FAM184A: variants seen among roughly 807,000 people sequenced by gnomAD.
FAM184A encodes the protein family with sequence similarity 184 member A.
In FAM184A, 99 loss-of-function variants were observed where a neutral mutation model predicts 143.8. That is an observed-to-expected ratio of 0.69 (90% CI 0.58 to 0.81). The LOEUF (loss-of-function observed/expected upper bound fraction) is 0.81. Among genes scored for constraint, FAM184A ranks in the 40% least tolerant of loss-of-function variants. FAM184A has a pLI of 0.00. For missense variants in FAM184A, 1,217 were observed against 1,310.5 expected (o/e 0.93, Z 1.10); for synonymous variants, 427 against 446.4 (o/e 0.96, Z 0.55).
intron 1 of FAM184A, among the ~76,000 whole-genome samples, chr6:119,121,967 A>G (rs1789226606): frequency 6.6e-6 from 1 of 151,920 alleles, no homozygotes. Flanking sequence ...ATAGAGATGC[A>G]GTTGTTGGCC....
intron 1 of FAM184A, among the ~76,000 whole-genome samples, chr6:119,097,581 C>G (rs963867601): frequency 1.3e-5 from 2 of 152,164 alleles, no homozygotes; most frequent in Non-Finnish European, 2.9e-5. Flanking sequence ...GCTCATAACT[C>G]CCATAGCCCT....
intron 1 of FAM184A, among the ~76,000 whole-genome samples, chr6:119,120,732 T>G (rs941146980): frequency 8.5e-5 from 13 of 152,314 alleles, no homozygotes; most frequent in African/African-American, 3.1e-4. Context: ...CAGAGCTGTT[T>G]CTATTTGAGT....
intron 1 of FAM184A, among the ~76,000 whole-genome samples, chr6:119,110,532 A>G (rs1464653092): frequency 1.3e-5 from 2 of 152,098 alleles, no homozygotes; most frequent in East Asian, 1.9e-4. Context: ...ATTTGTAGGC[A>G]AAAAAGTGAA....
intron 6 of FAM184A, among the ~76,000 whole-genome samples, chr6:119,008,351 C>T (rs532959073): frequency 6.6e-6 from 1 of 152,312 alleles, no homozygotes; most frequent in Non-Finnish European, 1.5e-5. Flanking sequence ...ATGGTTTAAG[C>T]TTATCTAGTC....
At chr6:119,051,965 C>A (rs1358403434) in intron 1 of FAM184A, among the ~76,000 whole-genome samples, 1 of 152,110 alleles carries the variant, frequency 6.6e-6, no homozygotes, top group Admixed American at 6.6e-5. Context: ...CCATTGGAGG[C>A]CCAGGTTCCC....
intron 1 of FAM184A, among the ~76,000 whole-genome samples, chr6:119,101,471 T>C (rs889101507): frequency 1.3e-5 from 2 of 152,158 alleles, no homozygotes; most frequent in Non-Finnish European, 2.9e-5. Context: ...GTGACCAAGA[T>C]AAGTTAAATA....
intron 3 of FAM184A, among the ~76,000 whole-genome samples, chr6:119,020,564 A>G (rs539436779): frequency 4.5e-4 from 68 of 152,362 alleles, no homozygotes; most frequent in African/African-American, 1.6e-3. Context: ...TGTGGCGCCA[A>G]AATGAGTGAT....
In FAM184A at chr6:119,147,293, C is replaced by G. The variant is rs72955092; in HGVS notation, c.-202+1785G>C. Reference sequence around the variant, plus strand: ...GGTGCATCCTAGCTGTGGGTCTGATCGATGATACAACCTGGTATTAACCGC... The same window carrying G: ...GGTGCATCCTAGCTGTGGGTCTGATGGATGATACAACCTGGTATTAACCGC... On this transcript the variant is annotated intron_variant, in intron 1 of 16. Coordinates refer to the FAM184A transcript ENST00000352896. Among the ~76,000 whole-genome samples the G allele has an allele frequency of 1.9e-3, 272 of 140,630 alleles. 2 individuals carry two copies. Among genetic ancestry groups the G allele is most frequent in the African/African-American group, 6.9e-3 (262 of 37,964 alleles). The allele number at this position is 140,630 out of a possible 152,430, so 92.3% of individuals were successfully genotyped here.
chr6:119,132,204 T>C (rs141674841), intron 1 of FAM184A, among the ~76,000 whole-genome samples: 368 of 152,392 alleles, frequency 2.4e-3, no homozygotes, highest in African/African-American at 8.6e-3. Flanking sequence ...AGTGTCAGAA[T>C]ATTTATCATT....
rs138159682 is a variant in FAM184A at position 119,000,040 on chromosome 6, C to T, written c.2088+2859G>A. The stretch of plus-strand genomic sequence containing the variant: ...CTAAATGACTTTGTCTCAAAGTTCA[C>T]ATCTACAAAATGGAGAGTCAGACTC... On this transcript the variant is annotated intron_variant, in intron 9 of 17. Transcript: ENST00000338891. Among the ~76,000 whole-genome samples the T allele has an allele frequency of 3.8e-3, 585 of 152,298 alleles. 2 individuals carry two copies. The highest frequency in any genetic ancestry group is 0.013 in the African/African-American group (552 of 41,566).
intron 1 of FAM184A, among the ~76,000 whole-genome samples, chr6:119,133,766 T>G (rs908856261): frequency 2.6e-5 from 4 of 152,022 alleles, no homozygotes; most frequent in African/African-American, 4.8e-5. Context: ...TCTCTCAGTG[T>G]CTCTTACAAG....
chr6:119,067,874 A>G (rs975017884), intron 1 of FAM184A, among the ~76,000 whole-genome samples: 10 of 152,150 alleles, frequency 6.6e-5, no homozygotes, highest in Admixed American at 1.3e-4. Flanking sequence ...CAGAAAACTG[A>G]GGTGGAAGGA....
intron 15 of FAM184A, among the ~76,000 whole-genome samples, chr6:118,965,205 G>GTTTTTT (rs5879475): frequency 2.3e-5 from 3 of 131,016 alleles, no homozygotes; most frequent in Non-Finnish European, 3.2e-5. Flanking sequence ...TTTTTTGTTT[G>GTTTTTT]TTTTTTTTTT....
intron 1 of FAM184A, among the ~76,000 whole-genome samples, chr6:119,104,033 G>GTTTATT (rs1188760145): frequency 6.6e-6 from 1 of 151,490 alleles, no homozygotes; most frequent in East Asian, 1.9e-4. Context: ...ATTTATGTAA[G>GTTTATT]TTTATTTTTA....
chr6:119,100,495 T>C (rs1788611322), intron 1 of FAM184A, among the ~76,000 whole-genome samples: 1 of 152,066 alleles, frequency 6.6e-6, no homozygotes, highest in South Asian at 2.1e-4. Flanking sequence ...ATGCTTAAGG[T>C]GAAAAGTCAT....
intron 9 of FAM184A, among the ~76,000 whole-genome samples, chr6:118,992,362 T>C (rs1287535589): frequency 6.6e-6 from 1 of 152,176 alleles, no homozygotes; most frequent in African/African-American, 2.4e-5. Context: ...AGTGTTCCCT[T>C]AGCCTCAGAT....
intron 1 of FAM184A, among the ~76,000 whole-genome samples, chr6:119,043,964 T>C (rs1219142019): frequency 1.3e-5 from 2 of 150,692 alleles, no homozygotes; most frequent in African/African-American, 4.9e-5. Flanking sequence ...AAAGGAAGAG[T>C]AAATGAAACC....
intron 1 of FAM184A, among the ~76,000 whole-genome samples, chr6:119,135,393 G>A (rs1398369458): frequency 6.6e-6 from 1 of 152,026 alleles, no homozygotes; most frequent in Non-Finnish European, 1.5e-5. Context: ...TGGTAATGCT[G>A]TGTTTCCCAA....
Position 118,975,914 on chromosome 6 carries a change from T to C in FAM184A, c.2583+3A>G. The C allele has an allele frequency of 6.2e-7, 1 of 1,611,592 alleles. No homozygotes were observed. The highest frequency in any genetic ancestry group is 8.5e-7 in the Non-Finnish European group (1 of 1,179,456). On this transcript the variant is annotated splice_donor_region_variant and intron_variant, in intron 12 of 17. Coordinates refer to ENST00000338891, the MANE Select transcript of FAM184A (RefSeq NM_024581.6). ...CATCAGAGTACAGAATACTCTTACTTACCTGTCTTCTGCTGATGTCTATGC... is the reference window on the plus strand; with the variant it reads ...CATCAGAGTACAGAATACTCTTACTCACCTGTCTTCTGCTGATGTCTATGC...
Sources: gnomAD v4.1 joint callset for allele counts (sites outside exome capture counted in the v4.1 genomes callset) on GRCh38, gnomAD v4.1.1 for gene constraint, MANE v1.5 for transcripts, NCBI Gene and HGNC (gene_info 2026-07-23, HGNC 2026-07-21) for gene names.